HMCN1: variants seen among roughly 807,000 people sequenced by gnomAD.
HMCN1 encodes hemicentin-1.
Under a neutral mutation model 625.9 loss-of-function variants are expected in HMCN1, and 321 were observed. That is an observed-to-expected ratio of 0.51 (90% confidence interval 0.47 to 0.56). The LOEUF (loss-of-function observed/expected upper bound fraction) is 0.56, where lower values mean the gene tolerates loss of function less well. Ranked by LOEUF, HMCN1 falls within the 20% of genes least tolerant of loss-of-function variation. HMCN1 has a pLI of 0.00. For missense variants in HMCN1, 6,588 were observed against 6,887.3 expected (o/e 0.96, Z 1.54); for synonymous variants, 2,425 against 2,417.6 (o/e 1.00, Z -0.09).
intron 1 of HMCN1, among the ~76,000 whole-genome samples, chr1:185,786,908 G>T (rs555946764): frequency 4.1e-4 from 63 of 152,256 alleles, no homozygotes; most frequent in African/African-American, 1.4e-3. Context: ...CACCTCCCAT[G>T]CTTGTTAAAA....
chr1:185,928,902 G>A (rs1238809409), intron 10 of HMCN1, among the ~76,000 whole-genome samples: 1 of 151,954 alleles, frequency 6.6e-6, no homozygotes, highest in East Asian at 1.9e-4. Flanking sequence ...GTAAAAGAAA[G>A]CATAATAACA....
At chr1:186,132,854 A>G (rs1025369010) in intron 86 of HMCN1, among the ~76,000 whole-genome samples, 3 of 151,016 alleles carry the variant, frequency 2.0e-5, no homozygotes, top group Non-Finnish European at 4.4e-5. Context: ...CCATGTTCTC[A>G]TTGTTCAGTT....
chr1:185,829,136 T>G (rs1046589451), intron 1 of HMCN1, among the ~76,000 whole-genome samples: 1 of 152,124 alleles, frequency 6.6e-6, no homozygotes, highest in African/African-American at 2.4e-5. Flanking sequence ...TTTACTAAAC[T>G]CAAGGTGAAC....
intron 36 of HMCN1, among the ~76,000 whole-genome samples, chr1:186,037,336 C>T (rs918758958): frequency 3.9e-5 from 6 of 152,050 alleles, no homozygotes; most frequent in African/African-American, 9.7e-5. Flanking sequence ...TCGGACTTTA[C>T]GAATTCCTAC....
chr1:186,015,989 G>A lies in HMCN1; in HGVS notation c.4941G>A (p.Thr1647=), dbSNP rs199561167. The change falls in exon 32 of 107, where the codon ACG becomes ACA. Residue 1647 remains threonine, a synonymous_variant. Coordinates refer to ENST00000271588, the MANE Select transcript of HMCN1 (RefSeq NM_031935.3). ...VPPMIEGNLA[T]PLNKQVVIAH... ...CAATGATTGAAGGCAACTTGGCCAC[G>A]CCTTTGAATAAGCAAGTAGTTATTG... 28 of 1,613,230 alleles carry A rather than the reference G, an allele frequency of 1.7e-5. No homozygotes were observed. Among genetic ancestry groups the A allele is most frequent in the Middle Eastern group, 1.6e-4 (1 of 6,080 alleles).
chr1:185,924,300 G>C (rs917767201), intron 8 of HMCN1, among the ~76,000 whole-genome samples: 76 of 133,092 alleles, frequency 5.7e-4, no homozygotes, highest in African/African-American at 2.1e-3. Flanking sequence ...GCGCGATCTC[G>C]GCTCACTGCA....
At chr1:186,150,006 TG>T (rs1650570286) in intron 93 of HMCN1, among the ~76,000 whole-genome samples, 1 of 151,868 alleles carries the variant, frequency 6.6e-6, no homozygotes, top group Non-Finnish European at 1.5e-5. Flanking sequence ...ATAATAATAA[TG>T]AAAAAGTTTG....
At chr1:185,784,646 A>C (rs1470355904) in intron 1 of HMCN1, among the ~76,000 whole-genome samples, 2 of 152,074 alleles carry the variant, frequency 1.3e-5, no homozygotes, top group African/African-American at 4.8e-5. Flanking sequence ...CCTGTGACAC[A>C]CTGTCATGGT....
intron 4 of HMCN1, among the ~76,000 whole-genome samples, chr1:185,895,761 C>T (rs957134177): frequency 2.6e-5 from 4 of 152,156 alleles, no homozygotes; most frequent in African/African-American, 7.2e-5. Context: ...TTAAGAGCCT[C>T]ATACTGAATG....
intron 1 of HMCN1, among the ~76,000 whole-genome samples, chr1:185,827,002 T>C (rs1273968305): frequency 1.3e-5 from 2 of 151,230 alleles, no homozygotes; most frequent in South Asian, 2.1e-4. Flanking sequence ...CAGTGAAACC[T>C]TGTCTCTACT....
chr1:185,784,693 C>T (rs1049767972), intron 1 of HMCN1, among the ~76,000 whole-genome samples: 11 of 152,188 alleles, frequency 7.2e-5, no homozygotes, highest in African/African-American at 2.2e-4. Flanking sequence ...CTACATCCTT[C>T]CCTTGCATTG....
chr1:186,158,965 A>G (rs1212932017), intron 97 of HMCN1, among the ~76,000 whole-genome samples: 1 of 152,152 alleles, frequency 6.6e-6, no homozygotes, highest in Non-Finnish European at 1.5e-5. Flanking sequence ...CAATTCTGTG[A>G]AGAAAGTCAT....
chr1:186,151,341 G>T lies in HMCN1; in HGVS notation c.14750G>T (p.Arg4917Leu), dbSNP rs771157396. Residue 4917 changes from arginine to leucine, a missense_variant, in exon 94 of 107, where the codon CGT becomes CTT. Around this residue, in one of 3 missense-constraint regions of HMCN1, gnomAD observed 1,954 missense variants for 2,013.1 expected, o/e 0.97. Transcript: ENST00000271588. ...CGTGCCAAAATTACCAATGTACCTC[G>T]TAGTCTTGGTAAGTCTTTGCCTCAA... is the stretch of plus-strand genomic sequence containing the variant. ...IIRAKITNVP[R>L]SLGSAMRKIV... 2 of 1,613,088 alleles carry T rather than the reference G, an allele frequency of 1.2e-6. No homozygotes were observed. The highest frequency in any genetic ancestry group is 1.1e-5 in the South Asian group (1 of 91,050).
At position 186,048,832 on chromosome 1, in the gene HMCN1, C is replaced by T. The variant is rs1656753588; in HGVS notation, c.6570C>T (p.Asn2190=). 6.2e-7 allele frequency: 1 copy of T among 1,601,006 alleles called. No individual in the cohort carries two copies. The highest frequency in any genetic ancestry group is 1.3e-5 in the African/African-American group (1 of 74,682). Residue 2190 remains asparagine, a synonymous_variant, in exon 42 of 107, where the codon AAC becomes AAT. Transcript: ENST00000271588. ...AGKTEKNYNV[N]IWVPPNIGGS... ...AAACTGAAAAAAACTACAATGTCAACATTTGGGGTAAGTGTAATCAGCTCT... is the reference window on the plus strand; with the variant it reads ...AAACTGAAAAAAACTACAATGTCAATATTTGGGGTAAGTGTAATCAGCTCT...
chr1:185,738,996 A>G (rs1653791027), intron 1 of HMCN1, among the ~76,000 whole-genome samples: 1 of 151,788 alleles, frequency 6.6e-6, no homozygotes, highest in Non-Finnish European at 1.5e-5. Context: ...AGTACCTGAT[A>G]GTTTTTCAGT....
At chr1:185,978,478 A>C (rs1399359069) in intron 16 of HMCN1, among the ~76,000 whole-genome samples, 1 of 152,154 alleles carries the variant, frequency 6.6e-6, no homozygotes, top group Non-Finnish European at 1.5e-5. Flanking sequence ...CTTATCTAAA[A>C]ATTTTATAAG....
intron 1 of HMCN1, among the ~76,000 whole-genome samples, chr1:185,845,141 G>A (rs1340617672): frequency 6.6e-6 from 1 of 152,146 alleles, no homozygotes; most frequent in East Asian, 1.9e-4. Flanking sequence ...AGCCACCCCA[G>A]CCATGAGAAA....
intron 31 of HMCN1, 39 bp downstream of exon 31, chr1:186,015,476 C>G: frequency 6.3e-7 from 1 of 1,588,058 alleles, no homozygotes; most frequent in Non-Finnish European, 8.6e-7. Context: ...TACCTTTCTA[C>G]CTATGCTTTC....
At chr1:185,865,658 G>A in intron 3 of HMCN1, 83 bp from the exon 4 acceptor site, 1 of 1,132,674 alleles carries the variant, frequency 8.8e-7, no homozygotes, top group Non-Finnish European at 1.3e-6. Context: ...GCCCAGTAAT[G>A]TAACACAATA....
Sources: gnomAD v4.1 joint callset for allele counts (sites outside exome capture counted in the v4.1 genomes callset) on GRCh38, gnomAD v4.1.1 for gene constraint, gnomAD v4.1.1 regional missense constraint, MANE v1.5 for transcripts, NCBI Gene and HGNC (gene_info 2026-07-23, HGNC 2026-07-21) for gene names.